Variants in PAMR1 observed in about 807,000 individuals in gnomAD.
PAMR1 encodes the protein inactive serine protease PAMR1.
A neutral mutation model predicts 81.8 loss-of-function variants in PAMR1; 88 were observed. That is an observed-to-expected ratio of 1.08 (90% CI 0.91 to 1.28). The LOEUF is 1.28. Among genes scored for constraint, PAMR1 ranks in the 50% most tolerant of loss-of-function variants. The pLI is 0.00. For synonymous variants in PAMR1, 336 were observed against 345.3 expected, an observed-to-expected ratio of 0.97 and a Z score of 0.30; for missense variants, 935 against 919.7, an observed-to-expected ratio of 1.02 and a Z score of -0.21.
chr11:35,451,767 AG>A, intron 6 of PAMR1: 1 of 533,894 alleles, frequency 1.9e-6, no homozygotes, highest in Non-Finnish European at 3.3e-6. Flanking sequence ...TTAGTTCATG[AG>A]GGTGGAGCCC....
chr11:35,456,682 T>G (rs1176210700), intron 6 of PAMR1, among the ~76,000 whole-genome samples: 3 of 152,222 alleles, frequency 2.0e-5, no homozygotes. Flanking sequence ...CACTTCTTTA[T>G]GATAGGAGCA....
chr11:35,490,523 G>C (rs1850601161), intron 3 of PAMR1, among the ~76,000 whole-genome samples: 1 of 152,348 alleles, frequency 6.6e-6, no homozygotes, highest in Middle Eastern at 3.4e-3. Context: ...ATGGTGGCAT[G>C]TGCCTGCAGT....
chr11:35,477,874 GA>G (rs1850310746), intron 3 of PAMR1, among the ~76,000 whole-genome samples: 1 of 152,050 alleles, frequency 6.6e-6, no homozygotes, highest in Non-Finnish European at 1.5e-5. Context: ...CTCCCTTTTT[GA>G]AATGCACGTT....
At chr11:35,520,540 G>A (rs1050868523) in intron 1 of PAMR1, among the ~76,000 whole-genome samples, 1 of 152,184 alleles carries the variant, frequency 6.6e-6, no homozygotes, top group Non-Finnish European at 1.5e-5. Flanking sequence ...GGTGCTTTCA[G>A]TTTTCCAGCT....
chr11:35,439,073 G>A (rs961400872), intron 8 of PAMR1, among the ~76,000 whole-genome samples: 2 of 152,128 alleles, frequency 1.3e-5, no homozygotes, highest in Non-Finnish European at 1.5e-5. Context: ...GAAGAAATGA[G>A]TAGAAAGGGG....
At chr11:35,457,258 A>G (rs2135362696) in intron 6 of PAMR1, among the ~76,000 whole-genome samples, 1 of 152,208 alleles carries the variant, frequency 6.6e-6, no homozygotes, top group Non-Finnish European at 1.5e-5. Context: ...GAATAGAATA[A>G]AAAGGTGCAG....
At chr11:35,526,586 A>G (rs376849868), upstream of PAMR1, among the ~76,000 whole-genome samples, 1 of 152,246 alleles carries the variant, frequency 6.6e-6, no homozygotes, top group African/African-American at 2.4e-5. Context: ...TTACAATTAG[A>G]GAAACGGAAC....
intron 9 of PAMR1, among the ~76,000 whole-genome samples, chr11:35,435,169 T>G (rs1374678326): frequency 6.6e-6 from 1 of 152,142 alleles, no homozygotes; most frequent in Admixed American, 6.5e-5. Flanking sequence ...AGATGGTACA[T>G]GCAAACAAAC....
intron 6 of PAMR1, among the ~76,000 whole-genome samples, chr11:35,455,140 A>G (rs1467579638): frequency 6.6e-6 from 1 of 152,220 alleles, no homozygotes; most frequent in Non-Finnish European, 1.5e-5. Flanking sequence ...TGTGACTGTC[A>G]TACTCGACAT....
chr11:35,463,439 C>T (rs923243901), intron 6 of PAMR1, among the ~76,000 whole-genome samples: 3 of 152,160 alleles, frequency 2.0e-5, no homozygotes, highest in Non-Finnish European at 4.4e-5. Context: ...TCAACTGGGC[C>T]GGGGGAACAA....
chr11:35,493,791 G>A (rs547543642), intron 2 of PAMR1, among the ~76,000 whole-genome samples: 22 of 152,312 alleles, frequency 1.4e-4, no homozygotes, highest in Admixed American at 5.9e-4. Context: ...TGGGAATGCC[G>A]GAAGTGTGTC....
In PAMR1 at chr11:35,441,579, G is replaced by T; in HGVS notation, c.935C>A (p.Ser312Tyr). Residue 312 changes from serine to tyrosine, a missense_variant, in exon 7 of 11, where the codon TCT (serine) becomes TAT (tyrosine). Coordinates refer to ENST00000619888, the MANE Select transcript of PAMR1 (RefSeq NM_001001991.3). Reference sequence around the variant, plus strand: ...AACATAGGAGTTGTTACAAAAGAAAGACACCACGGTGCCAATTTTAGCATG... The same window carrying T: ...AACATAGGAGTTGTTACAAAAGAAATACACCACGGTGCCAATTTTAGCATG... ...GRHAKIGTVV[S>Y]FFCNNSYVLS... 1 of 1,613,988 alleles carries T rather than the reference G, an allele frequency of 6.2e-7. No individual in the cohort carries two copies. The highest frequency in any genetic ancestry group is 8.5e-7 in the Non-Finnish European group (1 of 1,179,888).
At position 35,436,115 on chromosome 11, in the gene PAMR1, A is replaced by G. The variant is rs776106666; in HGVS notation, c.1121T>C (p.Leu374Pro). The change falls in exon 9 of 11, where the codon CTA becomes CCA. Residue 374 changes from leucine to proline, a missense_variant. Leu to Pro is a moderately conservative substitution (Grantham distance 98). Transcript: ENST00000619888. ...CTGCTTGCTGAAGGCCGCTGAGTAT[A>G]GCTGGTGTAATGGTGTCTCCCTGGG... ...VQSRETPLHQ[L>P]YSAAFSKQKL... 1 of 1,613,842 alleles carries G rather than the reference A, an allele frequency of 6.2e-7. No individual in the cohort carries two copies. Among genetic ancestry groups the G allele is most frequent in the Non-Finnish European group, 8.5e-7 (1 of 1,179,754 alleles).
chr11:35,525,010 G>A (rs1851358616), intron 1 of PAMR1, among the ~76,000 whole-genome samples: 1 of 152,108 alleles, frequency 6.6e-6, no homozygotes, highest in Non-Finnish European at 1.5e-5. Flanking sequence ...GATCTACTCC[G>A]AAGGGGTATG....
At chr11:35,523,720 C>T (rs960318667) in intron 1 of PAMR1, among the ~76,000 whole-genome samples, 3 of 152,220 alleles carry the variant, frequency 2.0e-5, no homozygotes, top group South Asian at 2.1e-4. Flanking sequence ...TCCTTCTCCA[C>T]GCTATTCCTC....
At chr11:35,517,530 A>G (rs1303511469) in intron 1 of PAMR1, among the ~76,000 whole-genome samples, 3 of 152,246 alleles carry the variant, frequency 2.0e-5, no homozygotes, top group Non-Finnish European at 4.4e-5. Context: ...AGGTAAAAAG[A>G]CAAAAAGAGG....
At chr11:35,525,849 G>A, upstream of PAMR1, 1 of 543,096 alleles carries the variant, frequency 1.8e-6, no homozygotes, top group Non-Finnish European at 3.3e-6. Context: ...GCGGACGGCG[G>A]CTGCAAAGGA....
At chr11:35,502,024 C>T (rs1039497000) in intron 1 of PAMR1, among the ~76,000 whole-genome samples, 1 of 152,146 alleles carries the variant, frequency 6.6e-6, no homozygotes, top group Non-Finnish European at 1.5e-5. Flanking sequence ...AATGGCTGCA[C>T]TAATATACAT....
In PAMR1 at chr11:35,434,549, T is replaced by C; in HGVS notation, c.1589A>G (p.Asp530Gly). Residue 530 changes from aspartate (D) to glycine (G), a missense_variant, in exon 10 of 11, where the codon GAT (aspartate) becomes GGT (glycine). Asp to Gly is a moderately conservative substitution (Grantham distance 94, BLOSUM62 -1). Coordinates refer to ENST00000619888, the MANE Select transcript of PAMR1 (RefSeq NM_001001991.3). ...LKVVLGKFYRDDDRDEKTIQS... is the reference protein window; with the variant it reads ...LKVVLGKFYRGDDRDEKTIQS... ...GATGGTCTTCTCATCCCGGTCATCA[T>C]CCCGGTAGAATTTCCCCAAAACAAC... 3.1e-6 allele frequency: 5 copies of C among 1,614,032 alleles called. No individual in the cohort carries two copies. Among genetic ancestry groups the C allele is most frequent in the Non-Finnish European group, 4.2e-6 (5 of 1,180,018 alleles).
Sources: gnomAD v4.1 joint callset for allele counts (sites outside exome capture counted in the v4.1 genomes callset) on GRCh38, gnomAD v4.1.1 for gene constraint, MANE v1.5 for transcripts, NCBI Gene and HGNC (gene_info 2026-07-23, HGNC 2026-07-21) for gene names.